The following PAK3 variants were observed in gnomAD, a reference collection of about 807,000 sequenced individuals.
PAK3 encodes the protein p21 (RAC1) activated kinase 3, also known as serine/threonine-protein kinase PAK 3.
A neutral mutation model predicts 41.0 loss-of-function variants in PAK3; 4 were observed. The ratio of observed to expected loss-of-function variants is 0.10; its 90% CI spans 0.05 to 0.22. The LOEUF is 0.22. Ranked by LOEUF, PAK3 falls within the 10% of genes least tolerant of loss-of-function variation. The probability of loss-of-function intolerance (pLI) is 1.00; values close to 1 mark genes in which losing one functional copy is unlikely to be tolerated. For synonymous variants in PAK3, 146 were observed against 139.6 expected (o/e 1.05, Z -0.32); for missense variants, 205 against 409.9 (o/e 0.50, Z 4.32).
At chrX:110,975,691 G>C (rs944736233) in intron 1 of PAK3, among the ~76,000 whole-genome samples, 1 of 111,593 alleles carries the variant, frequency 9.0e-6, no homozygotes. Context: ...GAGGCATCAC[G>C]CTACCTGACT....
chrX:111,165,645 C>T (rs747592051), intron 10 of PAK3, among the ~76,000 whole-genome samples: 3 of 112,267 alleles, frequency 2.7e-5, no homozygotes, highest in Non-Finnish European at 5.6e-5. Flanking sequence ...ACAATTGGCA[C>T]GTTTTTCTTT....
intron 3 of PAK3, among the ~76,000 whole-genome samples, chrX:111,098,218 G>T (rs1158408952): frequency 9.1e-6 from 1 of 110,001 alleles, no homozygotes; most frequent in African/African-American, 3.3e-5. Context: ...CCAGGTGAGG[G>T]AAACGAGAAA....
chrX:110,952,059 A>C (rs2090755049), intron 1 of PAK3, among the ~76,000 whole-genome samples: 1 of 112,468 alleles, frequency 8.9e-6, no homozygotes. Flanking sequence ...TTATTCTAAC[A>C]GAAATAAACA....
chrX:111,201,329 G>A (rs777055363), intron 16 of PAK3, among the ~76,000 whole-genome samples: 1 of 111,899 alleles, frequency 8.9e-6, no homozygotes, highest in South Asian at 3.7e-4. Flanking sequence ...AAATGTAGTC[G>A]CTGAAACCAT....
chrX:111,170,434 A>G (rs1303507772), intron 10 of PAK3, among the ~76,000 whole-genome samples: 1 of 111,329 alleles, frequency 9.0e-6, no homozygotes, highest in Non-Finnish European at 1.9e-5. Context: ...CTCAAGGTAT[A>G]CTATCTACTG....
intron 1 of PAK3, among the ~76,000 whole-genome samples, chrX:111,059,628 GT>G (rs199808181): frequency 2.7e-5 from 3 of 110,290 alleles, no homozygotes; most frequent in Middle Eastern, 4.7e-3. Flanking sequence ...ACGTTTTATT[GT>G]TTTTTTTGTG....
At chrX:111,059,676 A>G (rs145695633) in intron 1 of PAK3, among the ~76,000 whole-genome samples, 1 of 111,318 alleles carries the variant, frequency 9.0e-6, no homozygotes, top group African/African-American at 3.3e-5. Flanking sequence ...AGTTATTCCC[A>G]TGTATTTTAT....
intron 3 of PAK3, among the ~76,000 whole-genome samples, chrX:111,100,996 A>G (rs1041737161): frequency 8.9e-6 from 1 of 112,194 alleles, no homozygotes; most frequent in East Asian, 2.8e-4. Flanking sequence ...ATGACACAAT[A>G]CGAATTAGAC....
chrX:111,168,376 G>T (rs1333263467), intron 10 of PAK3, among the ~76,000 whole-genome samples: 1 of 111,344 alleles, frequency 9.0e-6, no homozygotes, highest in Non-Finnish European at 1.9e-5. Context: ...TCCCTATTGT[G>T]TCACAGTGTT....
Position 111,160,575 on chromosome X carries a change from C to G in PAK3, c.469-2340C>G, listed in dbSNP as rs1289692656. Among the ~76,000 whole-genome samples, 2 of 108,919 alleles carry G rather than the reference C, an allele frequency of 1.8e-5. 1 individual carries two copies. 94.6% of individuals were successfully genotyped at this position (108,919 alleles called of 115,157 possible). ...TGGTGTGCTGCACCCATTAACTCATCATTTAGCATTAGGTATATCACCTAA... is the reference window on the plus strand; with the variant it reads ...TGGTGTGCTGCACCCATTAACTCATGATTTAGCATTAGGTATATCACCTAA... On this transcript the variant is annotated intron_variant, in intron 8 of 17. Transcript: ENST00000372007.
intron 1 of PAK3, among the ~76,000 whole-genome samples, chrX:111,086,824 T>C (rs1004711326): frequency 1.8e-5 from 2 of 111,810 alleles, no homozygotes; most frequent in African/African-American, 6.5e-5. Flanking sequence ...AAATGCCATG[T>C]TATTATTTCT....
intron 1 of PAK3, among the ~76,000 whole-genome samples, chrX:110,969,450 ATTTTTTTTTT>A (rs35064494): frequency 2.1e-5 from 1 of 47,364 alleles, no homozygotes; most frequent in Non-Finnish European, 3.8e-5. Flanking sequence ...GACGTGGCTA[ATTTTTTTTTT>A]TTTTTTTTTT....
intron 1 of PAK3, among the ~76,000 whole-genome samples, chrX:111,077,723 G>GAA (rs1213902054): frequency 9.0e-6 from 1 of 111,498 alleles, no homozygotes; most frequent in Non-Finnish European, 1.9e-5. Flanking sequence ...AGAATATAGG[G>GAA]AAAAACCTCT....
At chrX:110,969,011 A>G (rs1313270974) in intron 1 of PAK3, among the ~76,000 whole-genome samples, 1 of 105,099 alleles carries the variant, frequency 9.5e-6, no homozygotes, top group Non-Finnish European at 1.9e-5. Context: ...TGTGTGAGGT[A>G]TGAGAGCCCG....
chrX:110,979,845 G>C (rs1375084586), intron 1 of PAK3, among the ~76,000 whole-genome samples: 1 of 112,072 alleles, frequency 8.9e-6, no homozygotes, highest in Non-Finnish European at 1.9e-5. Context: ...CTGTAGGTTA[G>C]AAGTCCTGGC....
intron 1 of PAK3, among the ~76,000 whole-genome samples, chrX:110,956,435 C>T (rs1040052620): frequency 9.0e-6 from 1 of 111,203 alleles, no homozygotes; most frequent in African/African-American, 3.3e-5. Flanking sequence ...GGCCTGGCTC[C>T]CACCCCAGAA....
intron 10 of PAK3, among the ~76,000 whole-genome samples, chrX:111,171,747 TA>T (rs982202345): frequency 1.8e-5 from 2 of 111,372 alleles, no homozygotes; most frequent in African/African-American, 6.5e-5. Context: ...AAGTAAGAGG[TA>T]AAAGGTTTCT....
rs187215904 is a variant in PAK3, at chrX:111,148,842, G to A, written c.430+952G>A. Reference sequence around the variant, plus strand: ...AGCCAAACCATGTCATTCTGCCCCGGCCCCTCCAAATCTCATGCCCTCACA... The same window carrying A: ...AGCCAAACCATGTCATTCTGCCCCGACCCCTCCAAATCTCATGCCCTCACA... On this transcript the variant is annotated intron_variant, in intron 7 of 17. Coordinates refer to ENST00000372007, the MANE Select transcript of PAK3 (RefSeq NM_002578.5). Among the ~76,000 whole-genome samples the A allele has an allele frequency of 6.3e-5, 7 of 110,495 alleles. No individual in the cohort carries two copies. The East Asian group carries it at 1.7e-3, about 27-fold the overall frequency.
rs2094925227 is a variant in PAK3 at position 111,220,967 on chromosome X, CAA to C, written c.*524_*525del. The C allele has an allele frequency of 1.4e-5, 1 of 71,262 alleles. No homozygotes were observed. The highest frequency in any genetic ancestry group is 6.2e-5 in the African/African-American group (1 of 16,159). The allele number at this position is 71,262 out of a possible 1,213,427, so 5.9% of individuals were successfully genotyped here. A position where few individuals can be genotyped will look rare whatever the true frequency, so the allele number is the denominator to read the frequency against. ...AGGCAAAAAAAAAAAAAAAAACAAA[CAA>C]AAACAAAAACAAAACAAAAACAAGC... On this transcript the variant is annotated 3_prime_UTR_variant, in exon 18 of 18. Coordinates refer to ENST00000372007, the MANE Select transcript of PAK3 (RefSeq NM_002578.5).
Sources: allele counts gnomAD v4.1 joint callset (sites outside exome capture counted in the v4.1 genomes callset), GRCh38; gene constraint gnomAD v4.1.1; transcripts MANE v1.5; gene names NCBI Gene and HGNC (gene_info 2026-07-23, HGNC 2026-07-21).